The following CTXND1 variants were observed in gnomAD, a reference collection of about 807,000 sequenced individuals.
CTXND1 encodes the protein cortexin domain containing 1.
At chr15:80,216,080 C>T (rs74379997) in intron 1 of CTXND1, among the ~76,000 whole-genome samples, 6,360 of 152,148 alleles carry the variant, frequency 0.042, 446 homozygotes, top group African/African-American at 0.14. Context: ...TGTGTTGACA[C>T]GGAATATTCA....
chr15:80,243,717 A>G (rs1893596215), intron 1 of CTXND1, among the ~76,000 whole-genome samples: 1 of 152,164 alleles, frequency 6.6e-6, no homozygotes, highest in African/African-American at 2.4e-5. Context: ...AGGCAGACAG[A>G]GTGTGCAGAT....
intron 2 of CTXND1, among the ~76,000 whole-genome samples, chr15:80,202,620 GT>G (rs1419912123): frequency 6.6e-6 from 1 of 152,170 alleles, no homozygotes; most frequent in Non-Finnish European, 1.5e-5. Flanking sequence ...GGTCTATCAT[GT>G]TTTGAAAGCA....
At chr15:80,205,220 G>C (rs1305873566) in intron 1 of CTXND1, among the ~76,000 whole-genome samples, 1 of 152,108 alleles carries the variant, frequency 6.6e-6, no homozygotes, top group Non-Finnish European at 1.5e-5. Flanking sequence ...TTGTTGTACG[G>C]ATATCCCATA....
chr15:80,199,942 A>G lies in CTXND1; in HGVS notation c.*1828T>C, dbSNP rs919029250. The stretch of plus-strand genomic sequence containing the variant: ...GAAGGCCACAGCTTGGAGGGATGGA[A>G]TAAATGCACTCAGAGGAAGGGGAGC... On this transcript the variant is annotated 3_prime_UTR_variant, in exon 3 of 3. Coordinates refer to ENST00000560778, the MANE Select transcript of CTXND1 (RefSeq NM_001352888.2). 1 of 152,266 alleles carries G rather than the reference A, an allele frequency of 6.6e-6. No individual in the cohort carries two copies. The highest frequency in any genetic ancestry group is 1.5e-5 in the Non-Finnish European group (1 of 68,070). 9.4% of individuals were successfully genotyped at this position (152,266 alleles called of 1,614,324 possible).
At chr15:80,206,866 A>G (rs1391175329) in intron 1 of CTXND1, among the ~76,000 whole-genome samples, 2 of 152,142 alleles carry the variant, frequency 1.3e-5, no homozygotes, top group Non-Finnish European at 2.9e-5. Flanking sequence ...TCAGTTTTAC[A>G]GTGACATCTA....
At chr15:80,211,061 C>A (rs889596283) in intron 1 of CTXND1, among the ~76,000 whole-genome samples, 1 of 152,194 alleles carries the variant, frequency 6.6e-6, no homozygotes, top group Non-Finnish European at 1.5e-5. Flanking sequence ...GAACAAAATT[C>A]GGTCCATAGC....
intron 1 of CTXND1, among the ~76,000 whole-genome samples, chr15:80,218,579 ATTG>A (rs1595905746): frequency 6.6e-6 from 1 of 151,948 alleles, no homozygotes; most frequent in African/African-American, 2.4e-5. Flanking sequence ...TTTCCAATGA[ATTG>A]TTTTCTTATT....
chr15:80,222,288 T>C (rs1261935600), intron 1 of CTXND1, among the ~76,000 whole-genome samples: 2 of 152,160 alleles, frequency 1.3e-5, no homozygotes, highest in Non-Finnish European at 2.9e-5. Context: ...ATCCAGATGA[T>C]CAATTATGAA....
intron 1 of CTXND1, among the ~76,000 whole-genome samples, chr15:80,248,376 G>A (rs1166875863): frequency 6.6e-6 from 1 of 152,186 alleles, no homozygotes; most frequent in South Asian, 2.1e-4. Context: ...CGGCTTATAG[G>A]AGACGCAGCG....
intron 1 of CTXND1, among the ~76,000 whole-genome samples, chr15:80,242,716 C>CT (rs1893584346): frequency 6.6e-6 from 1 of 152,164 alleles, no homozygotes; most frequent in African/African-American, 2.4e-5. Context: ...TTCAGGATTT[C>CT]TGCTTTTGGA....
chr15:80,244,812 C>T (rs35719728), intron 1 of CTXND1, among the ~76,000 whole-genome samples: 1 of 152,058 alleles, frequency 6.6e-6, no homozygotes, highest in South Asian at 2.1e-4. Context: ...CCCCTAACAC[C>T]GTCGGCACCT....
intron 1 of CTXND1, among the ~76,000 whole-genome samples, chr15:80,236,090 C>G (rs1893492282): frequency 6.7e-6 from 1 of 149,954 alleles, no homozygotes; most frequent in African/African-American, 2.5e-5. Flanking sequence ...GTGGGGAACA[C>G]CCCAGTGATG....
chr15:80,242,651 T>A lies in CTXND1; in HGVS notation c.-218+9356A>T, dbSNP rs61146791. On this transcript the variant is annotated intron_variant, in intron 1 of 2. Transcript: ENST00000560778. ...ATGTTTGGGCTGCAGACTGGCTTTA[T>A]GTTTAATTTTGTTTTACCTTGAAAA... Among the ~76,000 whole-genome samples, 924 of 152,306 alleles carry A rather than the reference T, an allele frequency of 6.1e-3. 8 individuals are homozygous for A. The highest frequency in any genetic ancestry group is 0.021 in the African/African-American group (865 of 41,572).
chr15:80,249,122 T>A (rs1199337357), intron 1 of CTXND1, among the ~76,000 whole-genome samples: 1 of 152,122 alleles, frequency 6.6e-6, no homozygotes, highest in Non-Finnish European at 1.5e-5. Context: ...GGCTAATTTT[T>A]AAAATTTTTT....
At chr15:80,216,891 G>A (rs1323867074) in intron 1 of CTXND1, among the ~76,000 whole-genome samples, 2 of 152,068 alleles carry the variant, frequency 1.3e-5, no homozygotes, top group Non-Finnish European at 2.9e-5. Context: ...CTAGAATTAC[G>A]GGTGTGAGCC....
At chr15:80,241,079 T>C (rs926889798) in intron 1 of CTXND1, among the ~76,000 whole-genome samples, 1 of 152,184 alleles carries the variant, frequency 6.6e-6, no homozygotes, top group East Asian at 1.9e-4. Context: ...TCACCTTCCC[T>C]TGTGAATGAA....
Position 80,201,491 on chromosome 15 carries a change from T to C in CTXND1, c.*279A>G. Reference sequence around the variant, plus strand: ...CTGGGAAGGTGACTACCCTATCATCTCACAGGGACTCCCCACACTGGAACC... The same window carrying C: ...CTGGGAAGGTGACTACCCTATCATCCCACAGGGACTCCCCACACTGGAACC... On this transcript the variant is annotated 3_prime_UTR_variant, in exon 3 of 3. Transcript: ENST00000560778. 3.1e-6 allele frequency: 1 copy of C among 318,228 alleles called. No homozygotes were observed. The highest frequency in any genetic ancestry group is 5.7e-6 in the Non-Finnish European group (1 of 175,172). The allele number at this position is 318,228 out of a possible 1,614,324, so 19.7% of individuals were successfully genotyped here.
At chr15:80,240,577 C>T (rs184959620) in intron 1 of CTXND1, among the ~76,000 whole-genome samples, 167 of 152,176 alleles carry the variant, frequency 1.1e-3, no homozygotes, top group African/African-American at 3.6e-3. Flanking sequence ...CTGTGTAGAG[C>T]GGAAAGCCTC....
chr15:80,247,251 A>G (rs1204513566), intron 1 of CTXND1, among the ~76,000 whole-genome samples: 1 of 152,052 alleles, frequency 6.6e-6, no homozygotes, highest in Non-Finnish European at 1.5e-5. Flanking sequence ...TCCCTTCCCC[A>G]TCCTCCCACC....
Sources: allele counts gnomAD v4.1 joint callset (sites outside exome capture counted in the v4.1 genomes callset), GRCh38; gene constraint gnomAD v4.1.1; transcripts MANE v1.5; gene names NCBI Gene and HGNC (gene_info 2026-07-23, HGNC 2026-07-21).